The following YWHAH variants were observed in gnomAD, a reference collection of about 807,000 sequenced individuals.
YWHAH encodes tyrosine 3-monooxygenase/tryptophan 5-monooxygenase activation protein eta.
YWHAH carries 6 observed loss-of-function variants against 22.9 expected under a neutral mutation model. That is an observed-to-expected ratio of 0.26 (90% CI 0.14 to 0.52). The LOEUF (loss-of-function observed/expected upper bound fraction) is 0.52. YWHAH is among the 20% of genes least tolerant of loss of function. The probability of loss-of-function intolerance (pLI) is 0.97; values close to 1 mark genes in which losing one functional copy is unlikely to be tolerated. For synonymous variants in YWHAH, 135 were observed against 124.5 expected, an observed-to-expected ratio of 1.08 and a Z score of -0.56; for missense variants, 173 against 308.6, an observed-to-expected ratio of 0.56 and a Z score of 3.29.
chr22:31,950,139 T>A (rs930546398), intron 1 of YWHAH, among the ~76,000 whole-genome samples: 6 of 146,596 alleles, frequency 4.1e-5, no homozygotes, highest in Admixed American at 1.4e-4. Flanking sequence ...TGAATTTGAG[T>A]TTCTCCTGAG....
At chr22:31,947,205 G>A (rs1211704883) in intron 1 of YWHAH, among the ~76,000 whole-genome samples, 1 of 152,170 alleles carries the variant, frequency 6.6e-6, no homozygotes, top group African/African-American at 2.4e-5. Context: ...GGCTGGGGAA[G>A]GGCAGGTAAG....
chr22:31,945,311 T>C lies in YWHAH; in HGVS notation c.87+491T>C, dbSNP rs929926835. On this transcript the variant is annotated intron_variant, in intron 1 of 1. Coordinates refer to ENST00000248975, the MANE Select transcript of YWHAH (RefSeq NM_003405.4). ...GCAATTCCGATCTGTTTTGCTCTGC[T>C]CGTTCGAATTGTTCTGGTTCCATCT... 6.6e-6 allele frequency: 8 copies of C among 1,207,680 alleles called. No homozygotes were observed. In the African/African-American group the frequency reaches 1.3e-4, roughly 19 times the overall value. The allele number at this position is 1,207,680 out of a possible 1,614,324, so 74.8% of individuals were successfully genotyped here.
chr22:31,948,311 A>G (rs1034503336), intron 1 of YWHAH, among the ~76,000 whole-genome samples: 3 of 152,200 alleles, frequency 2.0e-5, no homozygotes, highest in African/African-American at 7.2e-5. Flanking sequence ...GGTGCTGTGT[A>G]AAAGTGCACA....
chr22:31,948,127 G>A (rs1569274656), intron 1 of YWHAH, among the ~76,000 whole-genome samples: 1 of 152,070 alleles, frequency 6.6e-6, no homozygotes, highest in Non-Finnish European at 1.5e-5. Flanking sequence ...TCACCTCCCC[G>A]AGTGCCAGGG....
At position 31,956,147 on chromosome 22, in the gene YWHAH, G is replaced by A; in HGVS notation, c.96G>A (p.Glu32=). ...TTTTTGGGGTTTTGCAGGTGACAGA[G>A]CTGAATGAACCTCTCTCCAATGAAG... ...DMASAMKAVT[E]LNEPLSNEDR... Residue 32 remains glutamate, a synonymous_variant, in exon 2 of 2, where the codon GAG becomes GAA. Coordinates refer to ENST00000248975, the MANE Select transcript of YWHAH (RefSeq NM_003405.4). The surrounding 1 kb of genome is among the most constrained non-coding windows in gnomAD (Gnocchi z 5.1). 1.9e-6 allele frequency: 3 copies of A among 1,599,480 alleles called. No homozygotes were observed. The highest frequency in any genetic ancestry group is 1.1e-5 in the South Asian group (1 of 88,758).
At chr22:31,950,214 G>T in intron 1 of YWHAH, 1 of 541,890 alleles carries the variant, frequency 1.8e-6, no homozygotes, top group Non-Finnish European at 3.5e-6. Context: ...TCATATTCTT[G>T]GCACCAGTTG....
intron 1 of YWHAH, among the ~76,000 whole-genome samples, chr22:31,953,181 A>T (rs1297050162): frequency 2.0e-5 from 3 of 152,194 alleles, no homozygotes; most frequent in Admixed American, 1.3e-4. Context: ...GTGACTCCTT[A>T]TGGATATTAT....
intron 1 of YWHAH, among the ~76,000 whole-genome samples, chr22:31,948,695 C>T (rs1172590535): frequency 1.3e-5 from 2 of 152,172 alleles, no homozygotes; most frequent in Non-Finnish European, 2.9e-5. Context: ...CTTAAAGCCA[C>T]ATTGATACTA....
At chr22:31,946,139 G>A (rs954360490) in intron 1 of YWHAH, among the ~76,000 whole-genome samples, 10 of 152,060 alleles carry the variant, frequency 6.6e-5, no homozygotes, top group South Asian at 2.1e-4. Flanking sequence ...AACTGGGTGT[G>A]TTTGGAAACC....
intron 1 of YWHAH, among the ~76,000 whole-genome samples, chr22:31,950,668 GC>G: frequency 6.6e-6 from 1 of 152,138 alleles, no homozygotes; most frequent in Admixed American, 6.5e-5. Context: ...ACCCGAACTT[GC>G]CTGCTCTGAG....
At chr22:31,945,332 C>T in intron 1 of YWHAH, 5 of 1,232,892 alleles carry the variant, frequency 4.1e-6, no homozygotes, top group Non-Finnish European at 5.2e-6. Flanking sequence ...GTTCTGGTTC[C>T]ATCTTCCCAC....
intron 1 of YWHAH, among the ~76,000 whole-genome samples, chr22:31,950,995 C>A (rs748505842): frequency 1.3e-5 from 2 of 152,132 alleles, no homozygotes; most frequent in South Asian, 2.1e-4. Flanking sequence ...CTCCTGGGTT[C>A]GAGCGATTGT....
chr22:31,957,510 A>G lies in YWHAH; in HGVS notation c.*718A>G, dbSNP rs775252892. The G allele has an allele frequency of 1.3e-5, 2 of 152,364 alleles. No homozygotes were observed. Among genetic ancestry groups the G allele is most frequent in the Admixed American group, 6.6e-5 (1 of 15,236 alleles). The allele number at this position is 152,364 out of a possible 1,614,324, so 9.4% of individuals were successfully genotyped here. A position where few individuals can be genotyped will look rare whatever the true frequency, so the allele number is the denominator to read the frequency against. ...CTGACAGCGCCATGTGTGTCAGCCC[A>G]TGTCAATCAAGATGGGTGATTATGA... On this transcript the variant is annotated 3_prime_UTR_variant, in exon 2 of 2. Transcript: ENST00000248975.
intron 1 of YWHAH, among the ~76,000 whole-genome samples, chr22:31,953,231 A>G (rs2093845523): frequency 6.6e-6 from 1 of 152,206 alleles, no homozygotes; most frequent in Non-Finnish European, 1.5e-5. Context: ...TAATTACTAC[A>G]AGATGAAAGG....
At chr22:31,945,810 A>G (rs2093833556) in intron 1 of YWHAH, 1 of 655,796 alleles carries the variant, frequency 1.5e-6, no homozygotes, top group African/African-American at 1.9e-5. Context: ...AGACCTATAC[A>G]TTCAGAAATT....
Position 31,956,681 on chromosome 22 carries a change from A to C in YWHAH, c.630A>C (p.Thr210=). 1 of 1,614,174 alleles carries C rather than the reference A, an allele frequency of 6.2e-7. No homozygotes were observed. Among genetic ancestry groups the C allele is most frequent in the Non-Finnish European group, 8.5e-7 (1 of 1,180,026 alleles). The change falls in exon 2 of 2, where the codon ACA becomes ACC. Residue 210 remains threonine (T), a synonymous_variant. Coordinates refer to ENST00000248975, the MANE Select transcript of YWHAH (RefSeq NM_003405.4). This position sits in a 1 kb window ranked among gnomAD's most constrained non-coding sequence, Gnocchi z 5.1. ...AFDDAIAELD[T]LNEDSYKDST... is the part of the protein sequence containing the mutation. ...ATGATGCCATAGCTGAGCTGGACAC[A>C]CTAAACGAGGATTCCTATAAGGACT...
chr22:31,955,439 CTTTTTT>C (rs60830862), intron 1 of YWHAH, among the ~76,000 whole-genome samples: 4 of 126,728 alleles, frequency 3.2e-5, no homozygotes, highest in Non-Finnish European at 6.6e-5. Context: ...TTCAGAGTAT[CTTTTTT>C]TTTTTTTTTT....
chr22:31,955,461 T>C (rs2093848470), intron 1 of YWHAH, among the ~76,000 whole-genome samples: 1 of 118,926 alleles, frequency 8.4e-6, no homozygotes, highest in Non-Finnish European at 1.9e-5. Flanking sequence ...TTTTTTTTTC[T>C]TTTGAGACGG....
At chr22:31,947,765 A>G (rs1045680615) in intron 1 of YWHAH, among the ~76,000 whole-genome samples, 1 of 152,228 alleles carries the variant, frequency 6.6e-6, no homozygotes, top group Non-Finnish European at 1.5e-5. Flanking sequence ...CCATTTGATA[A>G]CTGAAATAAA....
Sources: allele counts gnomAD v4.1 joint callset (sites outside exome capture counted in the v4.1 genomes callset), GRCh38; gene constraint gnomAD v4.1.1; non-coding constraint Gnocchi (gnomAD v3.1); transcripts MANE v1.5; gene names NCBI Gene and HGNC (gene_info 2026-07-23, HGNC 2026-07-21).